The following RARB variants were observed in gnomAD, a reference collection of about 807,000 sequenced individuals.
RARB encodes the protein retinoic acid receptor beta.
In RARB, 17 loss-of-function variants were observed where a neutral mutation model predicts 51.9. The observed-to-expected ratio is 0.33, with a 90% CI of 0.22 to 0.49. RARB has a LOEUF of 0.49. RARB is among the 20% of genes least tolerant of loss of function. The probability of loss-of-function intolerance (pLI) is 0.99; values close to 1 mark genes in which losing one functional copy is unlikely to be tolerated. For missense variants in RARB, 369 were observed against 550.8 expected (o/e 0.67, Z 3.30); for synonymous variants, 215 against 195.4 (o/e 1.10, Z -0.84).
At chr3:25,367,637 A>G (rs995753274) in intron 5 of RARB, among the ~76,000 whole-genome samples, 13 of 134,954 alleles carry the variant, frequency 9.6e-5, no homozygotes, top group African/African-American at 2.9e-4. Flanking sequence ...GCAACATGGT[A>G]AAAACCCATC....
chr3:25,206,756 T>G (rs1006962835), intron 5 of RARB, among the ~76,000 whole-genome samples: 1 of 152,180 alleles, frequency 6.6e-6, no homozygotes, highest in Non-Finnish European at 1.5e-5. Context: ...GCTAGCGTAC[T>G]ATGGATGCTT....
intron 5 of RARB, among the ~76,000 whole-genome samples, chr3:25,589,787 G>A (rs1701542301): frequency 6.6e-6 from 1 of 152,234 alleles, no homozygotes; most frequent in Non-Finnish European, 1.5e-5. Context: ...ACAGGGCCCT[G>A]CTTTGGTTGG....
At chr3:25,089,187 A>C (rs1352682181) in intron 3 of RARB, among the ~76,000 whole-genome samples, 2 of 151,876 alleles carry the variant, frequency 1.3e-5, no homozygotes, top group Admixed American at 1.3e-4. Context: ...TTTATAATTT[A>C]TTTTTGGTTT....
chr3:25,395,507 T>A (rs1035936172), intron 5 of RARB, among the ~76,000 whole-genome samples: 4 of 152,216 alleles, frequency 2.6e-5, no homozygotes, highest in African/African-American at 9.6e-5. Context: ...TCCAAACTCT[T>A]AAATTTCTCT....
At chr3:25,463,823 A>G (rs1335811716) in intron 2 of RARB, among the ~76,000 whole-genome samples, 1 of 152,200 alleles carries the variant, frequency 6.6e-6, no homozygotes, top group African/African-American at 2.4e-5. Context: ...AGGCTTAGGA[A>G]CATCTCTCTG....
At chr3:25,484,062 A>G (rs1696356214) in intron 2 of RARB, among the ~76,000 whole-genome samples, 1 of 152,256 alleles carries the variant, frequency 6.6e-6, no homozygotes, top group Admixed American at 6.5e-5. Context: ...CCGTTAGTGA[A>G]GGATGAGCTA....
chr3:24,892,273 A>G (rs1030338289), intron 2 of RARB, among the ~76,000 whole-genome samples: 5 of 151,532 alleles, frequency 3.3e-5, no homozygotes, highest in Non-Finnish European at 4.4e-5. Flanking sequence ...TCGACCTGGT[A>G]CACTTTTAGG....
intron 2 of RARB, among the ~76,000 whole-genome samples, chr3:25,494,057 A>G (rs768752832): frequency 3.0e-4 from 46 of 152,208 alleles, no homozygotes; most frequent in Non-Finnish European, 4.8e-4. Flanking sequence ...TGATACCCAG[A>G]GCTCAATATC....
Position 25,539,532 on chromosome 3 carries a change from CT to C in RARB, c.449-30210del, listed in dbSNP as rs56693487. Among the ~76,000 whole-genome samples the C allele has an allele frequency of 4.3e-3, 443 of 102,366 alleles. 3 individuals carry two copies. Among genetic ancestry groups the C allele is most frequent in the Middle Eastern group, 0.011 (2 of 188 alleles). The allele number at this position is 102,366 out of a possible 152,430, so 67.2% of individuals were successfully genotyped here. On this transcript the variant is annotated intron_variant, in intron 3 of 7. Transcript: ENST00000330688. ...CCACCTGGCCACACTCTCTCTCTCTCTTTTTTTTTTTTTTTTCTTTTTTTTG... is the reference window on the plus strand; with the variant it reads ...CCACCTGGCCACACTCTCTCTCTCTCTTTTTTTTTTTTTTTCTTTTTTTTG...
rs1340326030 is a variant in RARB, at chr3:24,903,125, T to A, written c.-380+44373T>A. ...TAGTAAATACATTTCTAATACTTATTTTAATAAAATAATTTTAATACTTAA... is the reference window on the plus strand; with the variant it reads ...TAGTAAATACATTTCTAATACTTATATTAATAAAATAATTTTAATACTTAA... On this transcript the variant is annotated intron_variant, in intron 2 of 11. Coordinates refer to the RARB transcript ENST00000383772. Among the ~76,000 whole-genome samples the A allele has an allele frequency of 5.3e-5, 8 of 152,120 alleles. No individual in the cohort carries two copies. In the South Asian group the frequency reaches 1.7e-3, roughly 31 times the overall value.
intron 1 of RARB, among the ~76,000 whole-genome samples, chr3:25,446,802 CAAAAAAAAAAAAA>C (rs5847356): frequency 6.9e-4 from 48 of 69,108 alleles, no homozygotes; most frequent in East Asian, 6.2e-3. Context: ...GACTCCGTCT[CAAAAAAAAAAAAA>C]AAAAAAAAAA....
intron 5 of RARB, among the ~76,000 whole-genome samples, chr3:25,315,141 T>TA (rs1200378169): frequency 1.3e-5 from 2 of 152,194 alleles, no homozygotes; most frequent in African/African-American, 4.8e-5. Flanking sequence ...GAAAAATTCT[T>TA]AAGAGTACGG....
intron 3 of RARB, among the ~76,000 whole-genome samples, chr3:25,074,692 C>G (rs1698835782): frequency 6.6e-6 from 1 of 152,138 alleles, no homozygotes; most frequent in Non-Finnish European, 1.5e-5. Flanking sequence ...TTACTACTTA[C>G]TATGCATGCT....
In RARB at chr3:25,421,977, G is replaced by A. The variant is rs540499589; in HGVS notation, c.179-39216G>A. Among the ~76,000 whole-genome samples, 217 of 152,190 alleles carry A rather than the reference G, an allele frequency of 1.4e-3. 2 individuals carry two copies. Among genetic ancestry groups the A allele is most frequent in the Admixed American group, 2.5e-3 (38 of 15,290 alleles). On this transcript the variant is annotated intron_variant, in intron 5 of 11. Transcript: ENST00000383772. ...CTGCAATAGAGCTTTCTGCAATGATGGAAACATTCTATGTCTGCACTGTCC... is the reference window on the plus strand; with the variant it reads ...CTGCAATAGAGCTTTCTGCAATGATAGAAACATTCTATGTCTGCACTGTCC...
At chr3:24,942,158 C>T (rs1312073367) in intron 2 of RARB, among the ~76,000 whole-genome samples, 4 of 152,190 alleles carry the variant, frequency 2.6e-5, no homozygotes, top group Non-Finnish European at 5.9e-5. Flanking sequence ...AAAACTGGGA[C>T]TGAAACCAGG....
At chr3:24,949,062 C>T (rs921164698) in intron 2 of RARB, among the ~76,000 whole-genome samples, 7 of 152,198 alleles carry the variant, frequency 4.6e-5, no homozygotes, top group Admixed American at 1.3e-4. Context: ...TATTCTGTTC[C>T]TGCTGAAAGA....
intron 3 of RARB, among the ~76,000 whole-genome samples, chr3:25,542,922 AGTG>A (rs1182823293): frequency 1.3e-5 from 2 of 151,842 alleles, no homozygotes; most frequent in African/African-American, 2.4e-5. Context: ...TCACATAGTT[AGTG>A]GTGGTGGTGG....
chr3:25,045,200 T>C (rs890330905), intron 2 of RARB, among the ~76,000 whole-genome samples: 11 of 152,120 alleles, frequency 7.2e-5, no homozygotes, highest in African/African-American at 2.7e-4. Flanking sequence ...CCTGGGTGTT[T>C]GATGGAGAAA....
intron 5 of RARB, among the ~76,000 whole-genome samples, chr3:25,222,777 AG>A (rs1441890247): frequency 3.3e-5 from 5 of 152,222 alleles, no homozygotes; most frequent in African/African-American, 1.2e-4. Context: ...CTGGAAATAC[AG>A]TAACATTCTT....
Sources: allele counts gnomAD v4.1 joint callset (sites outside exome capture counted in the v4.1 genomes callset), GRCh38; gene constraint gnomAD v4.1.1; transcripts MANE v1.5; gene names NCBI Gene and HGNC (gene_info 2026-07-23, HGNC 2026-07-21).